UCHL1: variants seen among roughly 807,000 people sequenced by gnomAD.
UCHL1 encodes ubiquitin carboxyl-terminal hydrolase isozyme L1.
Under a neutral mutation model 33.3 loss-of-function variants are expected in UCHL1, and 5 were observed. The observed-to-expected ratio is 0.15, with a 90% confidence interval of 0.08 to 0.32. The LOEUF is 0.32. Among genes scored for constraint, UCHL1 ranks in the 10% least tolerant of loss-of-function variants. UCHL1 has a pLI of 1.00. For missense variants in UCHL1, 236 were observed against 280.0 expected, an observed-to-expected ratio of 0.84 and a Z score of 1.12; for synonymous variants, 132 against 108.8, an observed-to-expected ratio of 1.21 and a Z score of -1.33.
intron 3 of UCHL1, 89 bp downstream of exon 3, chr4:41,257,826 TC>T: frequency 1.3e-6 from 2 of 1,490,894 alleles, no homozygotes; most frequent in Non-Finnish European, 1.8e-6. Context: ...CCCCGCCCCC[TC>T]CCCTGTAGGT....
At position 41,265,616 on chromosome 4, in the gene UCHL1, C is replaced by T. The variant is rs535614972; in HGVS notation, c.585+1455C>T. On this transcript the variant is annotated intron_variant, in intron 8 of 8. Coordinates refer to ENST00000284440, the MANE Select transcript of UCHL1 (RefSeq NM_004181.5). ...AGAAAAGTTAGTCCGCATCTAGAGT[C>T]TGTGTTCTTAGCCATTGTACAATAC... Among the ~76,000 whole-genome samples, 143 of 152,242 alleles carry T rather than the reference C, an allele frequency of 9.4e-4. 3 individuals are homozygous for T. In the South Asian group the frequency reaches 0.028, roughly 30 times the overall value.
Position 41,257,328 on chromosome 4 carries a change from G to A in UCHL1, c.45+202G>A, listed in dbSNP as rs553632080. On this transcript the variant is annotated intron_variant, in intron 2 of 8. Coordinates refer to ENST00000284440, the MANE Select transcript of UCHL1 (RefSeq NM_004181.5). The stretch of plus-strand genomic sequence containing the variant: ...ACGAAACCGGTCACGGGGAGACGGA[G>A]GGGGCTGCGCCCCGTGGCGAGCGAG... The A allele has an allele frequency of 8.8e-5, 89 of 1,008,552 alleles. 2 individuals are homozygous for A. The South Asian group carries it at 1.5e-3, about 17-fold the overall frequency. 62.5% of individuals were successfully genotyped at this position (1,008,552 alleles called of 1,614,324 possible).
intron 3 of UCHL1, 125 bp from the exon 4 acceptor site, chr4:41,260,522 T>C (rs1580924672): frequency 3.3e-6 from 4 of 1,223,384 alleles, no homozygotes. Context: ...TCAGCCAACA[T>C]CTAGAACCAG....
intron 8 of UCHL1, among the ~76,000 whole-genome samples, chr4:41,265,188 A>T (rs896395080): frequency 1.3e-5 from 2 of 152,030 alleles, no homozygotes; most frequent in African/African-American, 4.8e-5. Context: ...TCCTTTAATG[A>T]CACAGTGAGG....
chr4:41,267,304 C>T (rs139615433), intron 8 of UCHL1, among the ~76,000 whole-genome samples: 1,679 of 151,930 alleles, frequency 0.011, 23 homozygotes, highest in East Asian at 0.079. Context: ...AGTGTAGTGG[C>T]GCGATCTCGC....
chr4:41,263,549 A>T (rs1246157387), intron 7 of UCHL1, among the ~76,000 whole-genome samples: 1 of 152,186 alleles, frequency 6.6e-6, no homozygotes, highest in African/African-American at 2.4e-5. Flanking sequence ...CCTGAATATG[A>T]CCTTACTTGT....
rs1311300669 is a variant in UCHL1 at position 41,268,241 on chromosome 4, G to A, written c.*168G>A. Reference sequence around the variant, plus strand: ...ACCCAGGCACTTAAGCACAAGCAGAGTGCACAGCTGTCCACTGGGCCATTG... The same window carrying A: ...ACCCAGGCACTTAAGCACAAGCAGAATGCACAGCTGTCCACTGGGCCATTG... On this transcript the variant is annotated 3_prime_UTR_variant, in exon 9 of 9. Transcript: ENST00000284440. 1.5e-6 allele frequency: 1 copy of A among 674,810 alleles called. No homozygotes were observed. Among genetic ancestry groups the A allele is most frequent in the Non-Finnish European group, 2.6e-6 (1 of 378,284 alleles). The allele number at this position is 674,810 out of a possible 1,614,324, so 41.8% of individuals were successfully genotyped here.
intron 3 of UCHL1, among the ~76,000 whole-genome samples, chr4:41,260,166 C>G (rs187956032): frequency 6.6e-6 from 1 of 152,140 alleles, no homozygotes; most frequent in African/African-American, 2.4e-5. Context: ...GTTTTTGAAG[C>G]GAAGTGTACT....
intron 8 of UCHL1, 46 bp downstream of exon 8, chr4:41,264,207 T>C (rs571875510): frequency 6.2e-7 from 1 of 1,612,706 alleles, no homozygotes; most frequent in African/African-American, 1.3e-5. Flanking sequence ...CACAATTCTT[T>C]GGCTAAATTT....
chr4:41,261,199 G>A (rs1781063338), intron 4 of UCHL1, among the ~76,000 whole-genome samples: 2 of 152,146 alleles, frequency 1.3e-5, no homozygotes, highest in South Asian at 4.2e-4. Flanking sequence ...TTTTCTATCT[G>A]AATAACCGAA....
At chr4:41,262,635 A>C (rs1347965328) in intron 6 of UCHL1, among the ~76,000 whole-genome samples, 1 of 151,768 alleles carries the variant, frequency 6.6e-6, no homozygotes, top group Non-Finnish European at 1.5e-5. Context: ...CTTTTTAAAA[A>C]AAAAAAAAAG....
chr4:41,260,915 G>C lies in UCHL1; in HGVS notation c.325+118G>C, dbSNP rs1781059522. On this transcript the variant is annotated intron_variant, in intron 4 of 8. Transcript: ENST00000284440. ...CCTTTTGAAACCATTTTGTAATGAT[G>C]GTGTCAGACACTTAATCTGACTCAC... 3 of 1,419,954 alleles carry C rather than the reference G, an allele frequency of 2.1e-6. No homozygotes were observed. In the East Asian group the frequency reaches 6.8e-5, roughly 32 times the overall value. The allele number at this position is 1,419,954 out of a possible 1,614,324, so 88.0% of individuals were successfully genotyped here.
rs1781068432 is a variant in UCHL1 at position 41,261,613 on chromosome 4, AT to A, written c.326-100del. On this transcript the variant is annotated intron_variant, in intron 4 of 8. Transcript: ENST00000284440. ...CACAACCCTGGAGGCAGTATTAAAG[AT>A]TCAGGTTGCTCAGCATGTTCAGCAA... 2.4e-6 allele frequency: 3 copies of A among 1,269,784 alleles called. No homozygotes were observed. The South Asian group carries it at 3.7e-5, about 16-fold the overall frequency. The allele number at this position is 1,269,784 out of a possible 1,614,324, so 78.7% of individuals were successfully genotyped here. A position where few individuals can be genotyped will look rare whatever the true frequency, so the allele number is the denominator to read the frequency against.
chr4:41,257,183 G>T, intron 2 of UCHL1, 57 bp downstream of exon 2: 1 of 1,610,706 alleles, frequency 6.2e-7, no homozygotes, highest in Non-Finnish European at 8.5e-7. Context: ...CGAGGCGGGG[G>T]CGCCCACCGG....
At chr4:41,257,300 T>C (rs367596072) in intron 2 of UCHL1, 174 bp downstream of exon 2, 15 of 1,147,244 alleles carry the variant, frequency 1.3e-5, no homozygotes, top group Middle Eastern at 6.0e-4. Context: ...AGCGGGTGAC[T>C]CTACGAAACC....
chr4:41,259,052 T>G (rs760701411), intron 3 of UCHL1, among the ~76,000 whole-genome samples: 1 of 152,354 alleles, frequency 6.6e-6, no homozygotes, highest in African/African-American at 2.4e-5. Context: ...AGCTGACTGT[T>G]CTCCTTTTGC....
rs142811772 is a variant in UCHL1 at position 41,261,899 on chromosome 4, C to T, written c.435C>T (p.Ala145=). The part of the protein sequence containing the change: ...KNEAIQAAHD[A]VAQEGQCRVD... ...AGGCCATACAGGCAGCCCATGATGCCGTGGCACAGGAAGGCCAATGTCGGG... is the reference window on the plus strand; with the variant it reads ...AGGCCATACAGGCAGCCCATGATGCTGTGGCACAGGAAGGCCAATGTCGGG... The change falls in exon 6 of 9, where the codon GCC becomes GCT. Residue 145 remains alanine (A), a synonymous_variant. Coordinates refer to ENST00000284440, the MANE Select transcript of UCHL1 (RefSeq NM_004181.5). 2.7e-5 allele frequency: 44 copies of T among 1,614,092 alleles called. No individual in the cohort carries two copies. Among genetic ancestry groups the T allele is most frequent in the African/African-American group, 2.3e-4 (17 of 75,024 alleles).
Position 41,256,928 on chromosome 4 carries a change from A to G in UCHL1, c.-49A>G, listed in dbSNP as rs775798907. Reference sequence around the variant, plus strand: ...TAGCTGCAGCCTGGGCGGCTCCGCTAGCTGTTTTTCGTCTTCCCTAGGCTA... The same window carrying G: ...TAGCTGCAGCCTGGGCGGCTCCGCTGGCTGTTTTTCGTCTTCCCTAGGCTA... On this transcript the variant is annotated 5_prime_UTR_variant, in exon 1 of 9. Transcript: ENST00000284440. 13 of 1,613,760 alleles carry G rather than the reference A, an allele frequency of 8.1e-6. No individual in the cohort carries two copies. The highest frequency in any genetic ancestry group is 1.7e-5 in the Admixed American group (1 of 60,014).
intron 3 of UCHL1, 102 bp downstream of exon 3, chr4:41,257,839 A>C: frequency 1.4e-6 from 2 of 1,450,076 alleles, no homozygotes; most frequent in African/African-American, 1.5e-5. Flanking sequence ...CCTGTAGGTG[A>C]TGCGGGGCGC....
Sources: allele counts gnomAD v4.1 joint callset (sites outside exome capture counted in the v4.1 genomes callset), GRCh38; gene constraint gnomAD v4.1.1; transcripts MANE v1.5; gene names NCBI Gene and HGNC (gene_info 2026-07-23, HGNC 2026-07-21).